The following TM4SF4 variants were observed in gnomAD, a reference collection of about 807,000 sequenced individuals.
TM4SF4 encodes the protein transmembrane 4 L6 family member 4.
Under a neutral mutation model 24.1 loss-of-function variants are expected in TM4SF4, and 24 were observed. The observed-to-expected ratio is 1.00, with a 90% confidence interval of 0.72 to 1.40. TM4SF4 has a LOEUF of 1.40. TM4SF4 is among the 40% of genes most tolerant of loss of function. TM4SF4 has a pLI of 0.00. For synonymous variants in TM4SF4, 113 were observed against 97.0 expected, an observed-to-expected ratio of 1.17 and a Z score of -0.97; for missense variants, 254 against 254.2, an observed-to-expected ratio of 1.00 and a Z score of 0.01.
At chr3:149,484,543 C>G (rs1048857531) in intron 2 of TM4SF4, among the ~76,000 whole-genome samples, 29 of 150,736 alleles carry the variant, frequency 1.9e-4, no homozygotes, top group African/African-American at 7.0e-4. Context: ...GCCACCACAC[C>G]CCGCTAATTT....
intron 3 of TM4SF4, chr3:149,495,523 A>G: frequency 2.5e-6 from 1 of 402,094 alleles, no homozygotes; most frequent in Non-Finnish European, 4.9e-6. Context: ...ACCATGTTGC[A>G]AGCTCTTCCT....
At chr3:149,476,838 G>T in intron 2 of TM4SF4, among the ~76,000 whole-genome samples, 1 of 116,958 alleles carries the variant, frequency 8.6e-6, no homozygotes, top group Admixed American at 1.1e-4. Context: ...TTTTGAGACA[G>T]GGTCTCACTC....
chr3:149,482,813 G>A (rs1734058306), intron 2 of TM4SF4, among the ~76,000 whole-genome samples: 2 of 152,286 alleles, frequency 1.3e-5, no homozygotes, highest in East Asian at 3.9e-4. Context: ...CAAAGTGCTG[G>A]GATTACAGGC....
intron 2 of TM4SF4, among the ~76,000 whole-genome samples, chr3:149,478,072 A>G (rs1733966115): frequency 2.0e-5 from 3 of 152,246 alleles, no homozygotes; most frequent in Admixed American, 2.0e-4. Context: ...CATTCTAAGT[A>G]TTACACAAAA....
At chr3:149,476,876 C>T (rs1467281410) in intron 2 of TM4SF4, among the ~76,000 whole-genome samples, 1 of 140,372 alleles carries the variant, frequency 7.1e-6, no homozygotes, top group African/African-American at 2.6e-5. Flanking sequence ...TCTTGGCTCA[C>T]AGCAGGCTTG....
At chr3:149,478,985 T>C (rs1463057758) in intron 2 of TM4SF4, among the ~76,000 whole-genome samples, 1 of 152,216 alleles carries the variant, frequency 6.6e-6, no homozygotes, top group African/African-American at 2.4e-5. Flanking sequence ...CAGGCTGGTC[T>C]CGAACTCCTG....
chr3:149,493,625 G>T (rs1424419219), intron 3 of TM4SF4, among the ~76,000 whole-genome samples: 2 of 152,240 alleles, frequency 1.3e-5, no homozygotes, highest in East Asian at 1.9e-4. Context: ...CCCAGGAAAT[G>T]AGAGCTGCTG....
At chr3:149,481,334 A>G (rs1226187024) in intron 2 of TM4SF4, among the ~76,000 whole-genome samples, 1 of 152,134 alleles carries the variant, frequency 6.6e-6, no homozygotes, top group Non-Finnish European at 1.5e-5. Context: ...CTCAATAAGT[A>G]CTTGCTGGAT....
At chr3:149,481,837 T>G (rs780705288) in intron 2 of TM4SF4, among the ~76,000 whole-genome samples, 6 of 152,238 alleles carry the variant, frequency 3.9e-5, no homozygotes, top group Non-Finnish European at 8.8e-5. Flanking sequence ...TCTTTAACCA[T>G]GTGAGCAGAA....
At chr3:149,476,681 C>T (rs1447611112) in intron 2 of TM4SF4, among the ~76,000 whole-genome samples, 6 of 152,168 alleles carry the variant, frequency 3.9e-5, no homozygotes, top group South Asian at 2.1e-4. Context: ...TATCTTTCCA[C>T]AACATAGAAT....
At chr3:149,489,038 T>G (rs1734166741) in intron 3 of TM4SF4, among the ~76,000 whole-genome samples, 1 of 152,216 alleles carries the variant, frequency 6.6e-6, no homozygotes, top group Non-Finnish European at 1.5e-5. Context: ...ACATGAAATA[T>G]CCCCATCTTT....
intron 2 of TM4SF4, among the ~76,000 whole-genome samples, chr3:149,484,971 T>G (rs990130675): frequency 2.6e-5 from 4 of 152,214 alleles, no homozygotes; most frequent in Non-Finnish European, 5.9e-5. Flanking sequence ...AAGAAAAAAT[T>G]TTTAACACAA....
intron 2 of TM4SF4, among the ~76,000 whole-genome samples, chr3:149,478,544 C>T (rs1733975786): frequency 6.6e-6 from 1 of 152,194 alleles, no homozygotes; most frequent in African/African-American, 2.4e-5. Context: ...TCTGTGGGGG[C>T]TGTCTAAGCC....
chr3:149,494,413 C>T (rs907077242), intron 3 of TM4SF4, among the ~76,000 whole-genome samples: 2 of 152,126 alleles, frequency 1.3e-5, no homozygotes, highest in African/African-American at 2.4e-5. Context: ...CAAAGAGGCC[C>T]GAAACTCAGG....
At position 149,475,837 on chromosome 3, in the gene TM4SF4, G is replaced by C; in HGVS notation, c.189G>C (p.Ala63=). Residue 63 remains alanine (A), a synonymous_variant, in exon 2 of 5, where the codon GCG becomes GCC. Coordinates refer to ENST00000305354, the MANE Select transcript of TM4SF4 (RefSeq NM_004617.4). ...LGSGVLMIFP[A]LVFLGLKNND... The stretch of plus-strand genomic sequence containing the variant: ...TCTCCTGGTAGATGATCTTCCCTGC[G>C]CTGGTGTTCTTGGGCCTGAAGAACA... 1 of 1,611,870 alleles carries C rather than the reference G, an allele frequency of 6.2e-7. No individual in the cohort carries two copies. Among genetic ancestry groups the C allele is most frequent in the South Asian group, 1.1e-5 (1 of 90,432 alleles).
intron 3 of TM4SF4, chr3:149,495,838 C>T: frequency 5.3e-6 from 1 of 188,632 alleles, no homozygotes; most frequent in Non-Finnish European, 1.1e-5. Flanking sequence ...TCCTGGGAAG[C>T]CCATGTGTGT....
chr3:149,490,352 G>T (rs1218101482), intron 3 of TM4SF4, among the ~76,000 whole-genome samples: 1 of 152,162 alleles, frequency 6.6e-6, no homozygotes, highest in Non-Finnish European at 1.5e-5. Context: ...AATTTCTTAT[G>T]GCAATAATTG....
chr3:149,503,098 A>G lies in TM4SF4; in HGVS notation c.*405A>G, dbSNP rs1289449092. The G allele has an allele frequency of 6.2e-6, 1 of 160,874 alleles. No individual in the cohort carries two copies. The highest frequency in any genetic ancestry group is 1.4e-5 in the Non-Finnish European group (1 of 73,948). 10.0% of individuals were successfully genotyped at this position (160,874 alleles called of 1,614,324 possible). ...AAAGGAAGAAAGCACATTTAAAATG[A>G]GAAACTAAGACCAATTTCTGTTTTT... On this transcript the variant is annotated 3_prime_UTR_variant, in exon 5 of 5. Transcript: ENST00000305354.
At chr3:149,492,312 C>G (rs9837351) in intron 3 of TM4SF4, among the ~76,000 whole-genome samples, 45,171 of 152,016 alleles carry the variant, frequency 0.3, 8,322 homozygotes, top group Non-Finnish European at 0.42. Context: ...CTGTTTTCCT[C>G]AGAAATGTTT....
Sources: gnomAD v4.1 joint callset for allele counts (sites outside exome capture counted in the v4.1 genomes callset) on GRCh38, gnomAD v4.1.1 for gene constraint, MANE v1.5 for transcripts, NCBI Gene and HGNC (gene_info 2026-07-23, HGNC 2026-07-21) for gene names.